LPCAT4: variants seen among roughly 807,000 people sequenced by gnomAD.
The protein encoded by LPCAT4 is lysophosphatidylcholine acyltransferase 4, also known as lysophospholipid acyltransferase LPCAT4.
A neutral mutation model predicts 66.5 loss-of-function variants in LPCAT4; 30 were observed. That is an observed-to-expected ratio of 0.45 (90% CI 0.34 to 0.61). The LOEUF is 0.61. Among genes scored for constraint, LPCAT4 ranks in the 20% least tolerant of loss-of-function variants. The probability of loss-of-function intolerance (pLI) is 0.01; values close to 1 mark genes in which losing one functional copy is unlikely to be tolerated. For synonymous variants in LPCAT4, 253 were observed against 262.1 expected, an observed-to-expected ratio of 0.97 and a Z score of 0.34; for missense variants, 557 against 656.7, an observed-to-expected ratio of 0.85 and a Z score of 1.66.
At chr15:34,359,778 C>T in intron 12 of LPCAT4, 33 bp from the exon 13 acceptor site, 1 of 1,580,102 alleles carries the variant, frequency 6.3e-7, no homozygotes, top group South Asian at 1.2e-5. Flanking sequence ...GTCAAGTTCT[C>T]TCCTCATGCC....
In LPCAT4 at chr15:34,364,089, G is replaced by A. The variant is rs1891012391; in HGVS notation, c.592-16C>T. On this transcript the variant is annotated splice_polypyrimidine_tract_variant and intron_variant, in intron 4 of 13. Coordinates refer to ENST00000314891, the MANE Select transcript of LPCAT4 (RefSeq NM_153613.3). ...AGAATAGCACCTGGGGTAAAAAAGA[G>A]CAGAATGAGGTGAAGAAGACTGAAG... 2.5e-6 allele frequency: 4 copies of A among 1,611,312 alleles called. No homozygotes were observed. Among genetic ancestry groups the A allele is most frequent in the Non-Finnish European group, 3.4e-6 (4 of 1,177,544 alleles).
At chr15:34,360,248 G>A in intron 11 of LPCAT4, 39 bp from the exon 12 acceptor site, 1 of 1,520,878 alleles carries the variant, frequency 6.6e-7, no homozygotes, top group Non-Finnish European at 9.1e-7. Context: ...CGGGGACCCT[G>A]CGCCTCCCTT....
Position 34,363,363 on chromosome 15 carries a change from C to G in LPCAT4, c.746+59G>C. On this transcript the variant is annotated intron_variant, in intron 7 of 13. Coordinates refer to ENST00000314891, the MANE Select transcript of LPCAT4 (RefSeq NM_153613.3). The surrounding 1 kb of genome is among the most constrained non-coding windows in gnomAD (Gnocchi z 4.3). Reference sequence around the variant, plus strand: ...CTTGTCGGGAGATTGGAAGATGGGCCAGGAATTCTCTGATGGACCCTGCTC... The same window carrying G: ...CTTGTCGGGAGATTGGAAGATGGGCGAGGAATTCTCTGATGGACCCTGCTC... 6.4e-7 allele frequency: 1 copy of G among 1,568,928 alleles called. No individual in the cohort carries two copies. Among genetic ancestry groups the G allele is most frequent in the Non-Finnish European group, 8.7e-7 (1 of 1,150,758 alleles).
At chr15:34,360,349 C>T (rs1595618003) in intron 11 of LPCAT4, 140 bp from the exon 12 acceptor site, 1 of 657,738 alleles carries the variant, frequency 1.5e-6, no homozygotes, top group East Asian at 2.7e-5. Context: ...GAGCTCCAAA[C>T]TCTTTAGGAT....
chr15:34,361,410 T>C lies in LPCAT4; in HGVS notation c.1133A>G (p.Tyr378Cys). ...TTCCAGCTCCTTTACCTGCTGGAAG[T>C]AGCCAAAGGCACCAGCCACCGTCTG... The part of the protein sequence containing the change: ...DPQTVAGAFG[Y>C]FQQDTKGLVD... The change falls in exon 11 of 14, where the codon TAC (tyrosine) becomes TGC (cysteine). Residue 378 changes from tyrosine (Y) to cysteine (C), a missense_variant. Transcript: ENST00000314891. The C allele has an allele frequency of 6.2e-7, 1 of 1,614,194 alleles. No homozygotes were observed. Among genetic ancestry groups the C allele is most frequent in the Non-Finnish European group, 8.5e-7 (1 of 1,180,028 alleles).
intron 3 of LPCAT4, 127 bp from the exon 4 acceptor site, chr15:34,364,433 T>C (rs1428232943): frequency 1.1e-5 from 7 of 627,670 alleles, no homozygotes; most frequent in Non-Finnish European, 1.7e-5. Flanking sequence ...TTTCTGTTGT[T>C]GTTGTTTGAG....
intron 3 of LPCAT4, 134 bp downstream of exon 3, chr15:34,364,874 G>T: frequency 2.9e-6 from 2 of 689,870 alleles, no homozygotes; most frequent in Non-Finnish European, 5.0e-6. Flanking sequence ...GTTGACTAAT[G>T]GTGTTAATTT....
Position 34,360,124 on chromosome 15 carries a change from C to T in LPCAT4, c.1229G>A (p.Arg410His), listed in dbSNP as rs757319391. Residue 410 changes from arginine (R) to histidine (H), a missense_variant, in exon 12 of 14, where the codon CGT becomes CAT. By Grantham distance (29) the Arg-to-His change is conservative. Around this residue, in one of 4 missense-constraint regions of LPCAT4, gnomAD observed 392 missense variants for 473.9 expected, o/e 0.83. Transcript: ENST00000314891. ...DGGRSLEELT[R>H]LAFELFAEEQ... ...ACCCCCCATTACCTCAAAGGCCAGA[C>T]GAGTTAGCTCTTCCAGGCTCCTGCC... The T allele has an allele frequency of 1.2e-5, 19 of 1,612,538 alleles. No individual in the cohort carries two copies. Among genetic ancestry groups the T allele is most frequent in the South Asian group, 3.3e-5 (3 of 90,980 alleles).
intron 12 of LPCAT4, 130 bp from the exon 13 acceptor site, chr15:34,359,875 G>A (rs931767772): frequency 1.0e-5 from 10 of 953,546 alleles, no homozygotes; most frequent in African/African-American, 1.7e-5. Flanking sequence ...ACCCTCCAGT[G>A]CCCTTTCTGC....
Position 34,363,912 on chromosome 15 carries a change from C to T in LPCAT4, c.652+101G>A, listed in dbSNP as rs775650994. ...AGGTTCCTGGTCTCCCTTCCTCTCC[C>T]ATCCCTCCCCCTCTTCTACTTCTTG... On this transcript the variant is annotated intron_variant, in intron 5 of 13. Transcript: ENST00000314891. This position sits in a 1 kb window ranked among gnomAD's most constrained non-coding sequence, Gnocchi z 4.3. The T allele has an allele frequency of 3.6e-6, 5 of 1,374,934 alleles. No homozygotes were observed. Among genetic ancestry groups the T allele is most frequent in the Non-Finnish European group, 4.1e-6 (4 of 974,952 alleles). The allele number at this position is 1,374,934 out of a possible 1,614,324, so 85.2% of individuals were successfully genotyped here.
In LPCAT4 at chr15:34,365,133, C is replaced by T. The variant is rs145805738; in HGVS notation, c.353G>A (p.Arg118His). 7 of 1,614,184 alleles carry T rather than the reference C, an allele frequency of 4.3e-6. No individual in the cohort carries two copies. The highest frequency in any genetic ancestry group is 3.3e-5 in the South Asian group (3 of 91,086). ...RIRVRGQRAS[R>H]LQAPVLVAAP... ...AGCAACAAGGACAGGGGCTTGAAGG[C>T]GAGAGGCTCGCTGGCCACGAACGCG... The change falls in exon 3 of 14, where the codon CGC (arginine) becomes CAC (histidine). Residue 118 changes from arginine (R) to histidine (H), a missense_variant. Transcript: ENST00000314891.
chr15:34,365,642 G>A lies in LPCAT4; in HGVS notation c.174C>T (p.Leu58=). The change falls in exon 2 of 14, where the codon CTC becomes CTT. Residue 58 remains leucine (L), a synonymous_variant. Coordinates refer to ENST00000314891, the MANE Select transcript of LPCAT4 (RefSeq NM_153613.3). ...PIRVLLAFIV[L]FLLWPFAWLQ... is the part of the protein sequence containing the mutation. ...GCCAGGCAAAGGGCCAGAGGAGAAA[G>A]AGGACGATAAAGGCCAGAAGCACTC... 1 of 1,614,198 alleles carries A rather than the reference G, an allele frequency of 6.2e-7. No homozygotes were observed. Among genetic ancestry groups the A allele is most frequent in the Non-Finnish European group, 8.5e-7 (1 of 1,180,034 alleles).
chr15:34,361,638 G>A, intron 10 of LPCAT4, 106 bp from the exon 11 acceptor site: 1 of 1,381,074 alleles, frequency 7.2e-7, no homozygotes. Flanking sequence ...TACAGGTTTA[G>A]CTGCTGTTTT....
chr15:34,361,180 C>T, intron 11 of LPCAT4: 1 of 1,401,074 alleles, frequency 7.1e-7, no homozygotes, highest in Non-Finnish European at 9.3e-7. Flanking sequence ...GATTATTTCT[C>T]CCTTGTTCCT....
In LPCAT4 at chr15:34,362,285, T is replaced by A. The variant is rs774500729; in HGVS notation, c.921A>T (p.Val307=). The part of the protein sequence containing the change: ...LGIPATECEF[V]GSLPVIVVGR... Reference sequence around the variant, plus strand: ...CCACCACAATCACAGGTAAGCTCCCTACAAACTCACATTCGGTGGCTGGAA... The same window carrying A: ...CCACCACAATCACAGGTAAGCTCCCAACAAACTCACATTCGGTGGCTGGAA... The change falls in exon 10 of 14, where the codon GTA becomes GTT. Residue 307 remains valine (V), a synonymous_variant. Transcript: ENST00000314891. 6.2e-7 allele frequency: 1 copy of A among 1,614,082 alleles called. No individual in the cohort carries two copies. The highest frequency in any genetic ancestry group is 8.5e-7 in the Non-Finnish European group (1 of 1,180,010).
At chr15:34,365,283 C>A in intron 2 of LPCAT4, 55 bp from the exon 3 acceptor site, 5 of 1,526,262 alleles carry the variant, frequency 3.3e-6, no homozygotes, top group Non-Finnish European at 4.5e-6. Flanking sequence ...CCTCACCCGC[C>A]CCCAGGTTCA....
In LPCAT4 at chr15:34,367,182, C is replaced by G. The variant is rs1371212041; in HGVS notation, c.-82G>C. The G allele has an allele frequency of 5.7e-6, 7 of 1,238,862 alleles. No individual in the cohort carries two copies. The East Asian group carries it at 2.6e-4, about 46-fold the overall frequency. 76.7% of individuals were successfully genotyped at this position (1,238,862 alleles called of 1,614,324 possible). A position where few individuals can be genotyped will look rare whatever the true frequency, so the allele number is the denominator to read the frequency against. ...AGAGCAGCTGCTGCTGCAGCAGCGG[C>G]GGCGGCGGCGCTCTGGCCCGGGCCC... On this transcript the variant is annotated 5_prime_UTR_variant, in exon 1 of 14. Coordinates refer to ENST00000314891, the MANE Select transcript of LPCAT4 (RefSeq NM_153613.3).
Position 34,359,700 on chromosome 15 carries a change from T to G in LPCAT4, c.1288A>C (p.Lys430Gln). 1 of 1,613,788 alleles carries G rather than the reference T, an allele frequency of 6.2e-7. No homozygotes were observed. The highest frequency in any genetic ancestry group is 8.5e-7 in the Non-Finnish European group (1 of 1,180,004). ...TGCAGGATGGTGCTGAAGCCGTCTTTGTACAGCAGGCGGTTGGGACCCTCT... is the reference window on the plus strand; with the variant it reads ...TGCAGGATGGTGCTGAAGCCGTCTTGGTACAGCAGGCGGTTGGGACCCTCT... ...QAEGPNRLLY[K>Q]DGFSTILHLL... is the part of the protein sequence containing the mutation. The change falls in exon 13 of 14, where the codon AAA becomes CAA. Residue 430 changes from lysine to glutamine, a missense_variant. This residue lies in a region of LPCAT4 where 392 missense variants were observed against 473.9 expected (regional missense o/e 0.83). Coordinates refer to ENST00000314891, the MANE Select transcript of LPCAT4 (RefSeq NM_153613.3).
chr15:34,362,974 A>G, intron 7 of LPCAT4, 138 bp from the exon 8 acceptor site: 1 of 802,000 alleles, frequency 1.2e-6, no homozygotes, highest in Non-Finnish European at 2.1e-6. Context: ...ACAGACTCCT[A>G]GCCATACAGT....
Sources: allele counts gnomAD v4.1 joint callset, GRCh38; gene constraint gnomAD v4.1.1; regional missense constraint gnomAD v4.1.1; non-coding constraint Gnocchi (gnomAD v3.1); transcripts MANE v1.5; gene names NCBI Gene and HGNC (gene_info 2026-07-23, HGNC 2026-07-21).